Variants in MTA3 observed in about 807,000 individuals in gnomAD.
MTA3 encodes metastasis associated 1 family member 3.
In MTA3, 34 loss-of-function variants were observed where a neutral mutation model predicts 83.5. The ratio of observed to expected loss-of-function variants is 0.41; its 90% CI spans 0.31 to 0.54. The LOEUF is 0.54. Ranked by LOEUF, MTA3 falls within the 20% of genes least tolerant of loss-of-function variation. The pLI is 0.33. For synonymous variants in MTA3, 303 were observed against 252.7 expected (o/e 1.20, Z -1.89); for missense variants, 761 against 726.4 (o/e 1.05, Z -0.55).
At chr2:42,689,667 T>C (rs1044729059) in intron 9 of MTA3, among the ~76,000 whole-genome samples, 3 of 152,186 alleles carry the variant, frequency 2.0e-5, no homozygotes, top group Non-Finnish European at 4.4e-5. Flanking sequence ...ATTATAAAGA[T>C]GTTTATAATA....
intron 4 of MTA3, among the ~76,000 whole-genome samples, chr2:42,620,086 A>G (rs1442992654): frequency 6.6e-6 from 1 of 151,106 alleles, no homozygotes; most frequent in Non-Finnish European, 1.5e-5. Flanking sequence ...GTTTGCAACC[A>G]TCACCTCTGT....
intron 9 of MTA3, among the ~76,000 whole-genome samples, chr2:42,685,308 T>A (rs959446447): frequency 6.6e-6 from 1 of 152,220 alleles, no homozygotes; most frequent in Non-Finnish European, 1.5e-5. Flanking sequence ...TGTTTTACCC[T>A]AGCTTGTTTC....
intron 2 of MTA3, among the ~76,000 whole-genome samples, chr2:42,560,770 G>A (rs1677639626): frequency 6.6e-6 from 1 of 151,924 alleles, no homozygotes; most frequent in Admixed American, 6.6e-5. Context: ...GCGGGGATAT[G>A]GTGGCGCATG....
chr2:42,616,010 G>A (rs920950979), intron 4 of MTA3, among the ~76,000 whole-genome samples: 3 of 151,286 alleles, frequency 2.0e-5, no homozygotes, highest in South Asian at 2.1e-4. Flanking sequence ...ATGAGCCACC[G>A]TGCCCGGCCG....
chr2:42,636,015 C>T (rs761658244), intron 4 of MTA3, among the ~76,000 whole-genome samples: 2 of 152,110 alleles, frequency 1.3e-5, no homozygotes, highest in Non-Finnish European at 2.9e-5. Flanking sequence ...GCAATCTGCC[C>T]GCCTCAGCCT....
At chr2:42,509,411 T>C (rs1558404306) in intron 2 of MTA3, among the ~76,000 whole-genome samples, 1 of 152,162 alleles carries the variant, frequency 6.6e-6, no homozygotes, top group Non-Finnish European at 1.5e-5. Context: ...GCAAGGACTC[T>C]GGGGTCAGTT....
chr2:42,626,548 G>A lies in MTA3; in HGVS notation c.318-13625G>A, dbSNP rs376318884. On this transcript the variant is annotated intron_variant, in intron 4 of 16. Coordinates refer to ENST00000405094, the MANE Select transcript of MTA3 (RefSeq NM_001330442.2). ...CCTGACCTCGTGATCCGCCTGCCTC[G>A]GCCCCCCAAAGTGCTGGGATTACAG... Among the ~76,000 whole-genome samples the A allele has an allele frequency of 7.7e-4, 116 of 151,470 alleles. 1 individual carries two copies. The highest frequency in any genetic ancestry group is 2.7e-3 in the African/African-American group (111 of 41,314).
chr2:42,549,919 C>T (rs990922365), intron 2 of MTA3, among the ~76,000 whole-genome samples: 11 of 151,356 alleles, frequency 7.3e-5, no homozygotes, highest in Admixed American at 2.7e-4. Flanking sequence ...GCTGTACCTG[C>T]TCATTAGTCA....
Position 42,684,947 on chromosome 2 carries a change from A to G in MTA3, c.891+2358A>G, listed in dbSNP as rs1310945526. The stretch of plus-strand genomic sequence containing the variant: ...CTTCTGTCAGTACATGAACAAGTGT[A>G]TAGGAATATTAAAAAGGATTCCTTG... On this transcript the variant is annotated intron_variant, in intron 9 of 16. Coordinates refer to ENST00000405094, the MANE Select transcript of MTA3 (RefSeq NM_001330442.2). Among the ~76,000 whole-genome samples, 4 of 152,374 alleles carry G rather than the reference A, an allele frequency of 2.6e-5. No individual in the cohort carries two copies. In the East Asian group the frequency reaches 7.7e-4, roughly 29 times the overall value.
In MTA3 at chr2:42,756,838, A is replaced by G. The variant is rs1670273519; in HGVS notation, c.*3439A>G. Reference sequence around the variant, plus strand: ...CACCTGTGCTCATGAGTGTTTCCGCAGGATAATTCGTTCTGAGCATGATAC... The same window carrying G: ...CACCTGTGCTCATGAGTGTTTCCGCGGGATAATTCGTTCTGAGCATGATAC... On this transcript the variant is annotated 3_prime_UTR_variant, in exon 17 of 17. Coordinates refer to ENST00000405094, the MANE Select transcript of MTA3 (RefSeq NM_001330442.2). 1 of 985,318 alleles carries G rather than the reference A, an allele frequency of 1.0e-6. No individual in the cohort carries two copies. Among genetic ancestry groups the G allele is most frequent in the Admixed American group, 6.1e-5 (1 of 16,270 alleles). The allele number at this position is 985,318 out of a possible 1,614,324, so 61.0% of individuals were successfully genotyped here.
chr2:42,566,347 G>A (rs1321781100), upstream of MTA3, among the ~76,000 whole-genome samples: 1 of 152,152 alleles, frequency 6.6e-6, no homozygotes, highest in African/African-American at 2.4e-5. Context: ...CAAAGTCCTT[G>A]TATTCAGCTC....
intron 2 of MTA3, among the ~76,000 whole-genome samples, chr2:42,524,616 G>A (rs1421477203): frequency 3.3e-5 from 5 of 151,198 alleles, no homozygotes; most frequent in South Asian, 2.1e-4. Flanking sequence ...GAGCCACCGC[G>A]CCCCGCCAGC....
chr2:42,538,964 C>T (rs562519481), intron 2 of MTA3, among the ~76,000 whole-genome samples: 1,761 of 150,428 alleles, frequency 0.012, 33 homozygotes, highest in African/African-American at 0.038. Context: ...TTAGTAGAGA[C>T]GGGGTTTCAC....
intron 2 of MTA3, among the ~76,000 whole-genome samples, chr2:42,549,452 ATATT>A (rs1676984885): frequency 2.5e-4 from 2 of 7,948 alleles, no homozygotes; most frequent in Non-Finnish European, 3.8e-4. Flanking sequence ...TACATATAAT[ATATT>A]ATATATACAT....
chr2:42,594,078 A>G (rs1422261228), intron 3 of MTA3, among the ~76,000 whole-genome samples: 1 of 151,542 alleles, frequency 6.6e-6, no homozygotes, highest in South Asian at 2.1e-4. Context: ...CAGCCTCACA[A>G]GTAGCTGGGA....
chr2:42,751,966 G>A (rs1372474935), intron 16 of MTA3, among the ~76,000 whole-genome samples: 1 of 152,178 alleles, frequency 6.6e-6, no homozygotes. Flanking sequence ...GCTTGGTGTA[G>A]TAGGAAAAAC....
upstream of MTA3, among the ~76,000 whole-genome samples, chr2:42,565,162 A>G (rs910050589): frequency 1.3e-5 from 2 of 151,872 alleles, no homozygotes; most frequent in African/African-American, 4.8e-5. Context: ...CATTTTACCT[A>G]TTCACCTAAA....
intron 6 of MTA3, among the ~76,000 whole-genome samples, chr2:42,651,151 T>TA (rs1206778251): frequency 2.6e-5 from 4 of 152,192 alleles, no homozygotes; most frequent in Admixed American, 2.6e-4. Context: ...AAAGGTATTG[T>TA]AAAAATACAG....
At chr2:42,646,031 C>G (rs1224314829) in intron 6 of MTA3, among the ~76,000 whole-genome samples, 1 of 152,150 alleles carries the variant, frequency 6.6e-6, no homozygotes, top group African/African-American at 2.4e-5. Context: ...TTTACCATTC[C>G]AAAAATCCCA....
Sources: gnomAD v4.1 joint callset for allele counts (sites outside exome capture counted in the v4.1 genomes callset) on GRCh38, gnomAD v4.1.1 for gene constraint, MANE v1.5 for transcripts, NCBI Gene and HGNC (gene_info 2026-07-23, HGNC 2026-07-21) for gene names.